Variants in LARGE1 observed in about 807,000 individuals in gnomAD.
LARGE1 encodes the protein xylosyl- and glucuronyltransferase LARGE1.
LARGE1 carries 43 observed loss-of-function variants against 87.6 expected under a neutral mutation model. The observed-to-expected ratio is 0.49, with a 90% CI of 0.38 to 0.63. LARGE1 has a LOEUF of 0.63. Ranked by LOEUF, LARGE1 falls within the 30% of genes least tolerant of loss-of-function variation. LARGE1 has a pLI of 0.00. For missense variants in LARGE1, 802 were observed against 1,000.2 expected (o/e 0.80, Z 2.67); for synonymous variants, 434 against 394.6 (o/e 1.10, Z -1.18).
intron 6 of LARGE1, among the ~76,000 whole-genome samples, chr22:33,562,545 C>G (rs1197008233): frequency 6.6e-6 from 1 of 152,144 alleles, no homozygotes; most frequent in Admixed American, 6.5e-5. Flanking sequence ...TTACCTTGTC[C>G]CTGTCCTGAC....
chr22:33,712,953 T>C (rs1315163961), intron 2 of LARGE1, among the ~76,000 whole-genome samples: 1 of 152,130 alleles, frequency 6.6e-6, no homozygotes, highest in Admixed American at 6.5e-5. Flanking sequence ...CTTTTAAAGG[T>C]ACCTAAATTG....
In LARGE1 at chr22:33,650,489, C is replaced by T. The variant is rs2080762672; in HGVS notation, c.286G>A (p.Gly96Ser). ...ATGGAGTAGGTCTTGGAGTGGTTGC[C>T]TCGGCGATGGGATGGGGCTCGGCCC... Reference protein sequence around the residue: ...AQGRAPSHRRGNHSKTYSMEE... With the variant: ...AQGRAPSHRRSNHSKTYSMEE... The change falls in exon 3 of 15, where the codon GGC (glycine) becomes AGC (serine). Residue 96 changes from glycine (G) to serine (S), a missense_variant. Gly to Ser is a moderately conservative substitution (Grantham distance 56). This residue lies in a region of LARGE1 where 177 missense variants were observed against 158.3 expected (regional missense o/e 1.12). Coordinates refer to ENST00000397394, the MANE Select transcript of LARGE1 (RefSeq NM_133642.5). The T allele has an allele frequency of 6.2e-7, 1 of 1,613,686 alleles. No homozygotes were observed. Among genetic ancestry groups the T allele is most frequent in the South Asian group, 1.1e-5 (1 of 91,084 alleles).
At chr22:33,668,050 C>T (rs1317172202) in intron 2 of LARGE1, among the ~76,000 whole-genome samples, 1 of 152,260 alleles carries the variant, frequency 6.6e-6, no homozygotes, top group South Asian at 2.1e-4. Flanking sequence ...CTTCTTAAGG[C>T]AATTTGCTTT....
intron 9 of LARGE1, among the ~76,000 whole-genome samples, chr22:33,365,474 A>T (rs2064550878): frequency 6.6e-6 from 1 of 152,116 alleles, no homozygotes; most frequent in Non-Finnish European, 1.5e-5. Context: ...TCATGTGTTT[A>T]TTGGCCATTT....
At chr22:33,881,746 G>A (rs922419888) in intron 1 of LARGE1, among the ~76,000 whole-genome samples, 6 of 152,094 alleles carry the variant, frequency 3.9e-5, no homozygotes, top group South Asian at 2.1e-4. Context: ...TAAGCCTTGC[G>A]GTTTCAGGAA....
chr22:33,391,368 G>A (rs2065515243), intron 7 of LARGE1, among the ~76,000 whole-genome samples: 2 of 152,260 alleles, frequency 1.3e-5, no homozygotes, highest in South Asian at 4.1e-4. Context: ...TGATAAATGG[G>A]AGGTGGGGAA....
intron 11 of LARGE1, chr22:33,305,600 A>T (rs980142016): frequency 1.0e-6 from 1 of 985,208 alleles, no homozygotes; most frequent in Non-Finnish European, 1.2e-6. Flanking sequence ...ATTACCAGGA[A>T]ATCGATTCCA....
intron 1 of LARGE1, among the ~76,000 whole-genome samples, chr22:33,861,036 C>A (rs573642548): frequency 6.6e-6 from 1 of 152,176 alleles, no homozygotes; most frequent in Non-Finnish European, 1.5e-5. Flanking sequence ...GGGTGGGCAA[C>A]GCTTCCTTAG....
chr22:33,403,260 G>A (rs1235913209), intron 7 of LARGE1, among the ~76,000 whole-genome samples: 1 of 152,156 alleles, frequency 6.6e-6, no homozygotes, highest in African/African-American at 2.4e-5. Context: ...TCCTGCATTG[G>A]CAATGAACTG....
chr22:33,089,443 C>CTCCTCTTCCTCT, the LARGE1 span, among the ~76,000 whole-genome samples: 3 of 84,892 alleles, frequency 3.5e-5, no homozygotes, highest in Middle Eastern at 6.6e-3. Flanking sequence ...CTTCTTCTTC[C>CTCCTCTTCCTCT]TCTTCTTCTT....
chr22:33,654,751 C>T (rs904397136), intron 2 of LARGE1, among the ~76,000 whole-genome samples: 1 of 152,174 alleles, frequency 6.6e-6, no homozygotes, highest in African/African-American at 2.4e-5. Flanking sequence ...GATTTTATGG[C>T]TATGTAAACA....
intron 1 of LARGE1, among the ~76,000 whole-genome samples, chr22:33,899,827 T>C (rs1215246409): frequency 1.3e-5 from 2 of 152,364 alleles, no homozygotes; most frequent in South Asian, 2.1e-4. Flanking sequence ...TCTGCAGTGC[T>C]TTGGGCATCT....
chr22:33,521,236 C>G (rs2071575183), intron 6 of LARGE1, among the ~76,000 whole-genome samples: 1 of 152,268 alleles, frequency 6.6e-6, no homozygotes, highest in African/African-American at 2.4e-5. Flanking sequence ...GTAATCCTCA[C>G]ATGTAGTGGC....
chr22:33,797,300 C>T (rs1384192786), intron 1 of LARGE1, among the ~76,000 whole-genome samples: 2 of 152,320 alleles, frequency 1.3e-5, no homozygotes, highest in Admixed American at 6.5e-5. Flanking sequence ...GCCCTTAGCT[C>T]CACCTTTCTC....
chr22:33,086,126 T>C, the LARGE1 span, among the ~76,000 whole-genome samples: 13,710 of 152,230 alleles, frequency 0.09, 774 homozygotes, highest in Non-Finnish European at 0.13. Flanking sequence ...AATATTTTCA[T>C]AGTACTTAGT....
At chr22:33,787,034 A>G (rs1276515239) in intron 1 of LARGE1, among the ~76,000 whole-genome samples, 6 of 152,014 alleles carry the variant, frequency 3.9e-5, no homozygotes, top group East Asian at 1.9e-4. Flanking sequence ...AAAAAAAAAA[A>G]AAAGAAAGAA....
the LARGE1 span, among the ~76,000 whole-genome samples, chr22:33,083,148 C>A: frequency 6.6e-6 from 1 of 152,178 alleles, no homozygotes. Flanking sequence ...GAAATTAAGG[C>A]TTAGAGATGT....
In LARGE1 at chr22:33,381,970, C is replaced by T. The variant is rs774412531; in HGVS notation, c.1080G>A (p.Leu360=). The change falls in exon 9 of 15, where the codon CTG becomes CTA. Residue 360 remains leucine, a synonymous_variant. Transcript: ENST00000397394. ...ACTGCTCGGAGCGGGTGTGGTCTGA[C>T]AGCTGCACATTCCAGAAGCAGGGGA... ...YQLPCFWNVQ[L]SDHTRSEQCY... The T allele has an allele frequency of 1.4e-5, 22 of 1,613,986 alleles. No homozygotes were observed. The highest frequency in any genetic ancestry group is 1.3e-4 in the South Asian group (12 of 91,080).
At chr22:33,424,989 C>T (rs531790384) in intron 7 of LARGE1, among the ~76,000 whole-genome samples, 6 of 152,136 alleles carry the variant, frequency 3.9e-5, no homozygotes, top group African/African-American at 1.2e-4. Flanking sequence ...CAAGGCTGGG[C>T]GCGGCAGCTC....
Sources: gnomAD v4.1 joint callset for allele counts (sites outside exome capture counted in the v4.1 genomes callset) on GRCh38, gnomAD v4.1.1 for gene constraint, gnomAD v4.1.1 regional missense constraint, MANE v1.5 for transcripts, NCBI Gene and HGNC (gene_info 2026-07-23, HGNC 2026-07-21) for gene names.